The following ERBB4 variants were observed in gnomAD, a reference collection of about 807,000 sequenced individuals.
ERBB4 encodes receptor tyrosine-protein kinase erbB-4.
In ERBB4, 42 loss-of-function variants were observed where a neutral mutation model predicts 158.0. That is an observed-to-expected ratio of 0.27 (90% CI 0.21 to 0.34). The LOEUF (loss-of-function observed/expected upper bound fraction) is 0.34, where lower values mean the gene tolerates loss of function less well. Among genes scored for constraint, ERBB4 ranks in the 10% least tolerant of loss-of-function variants. ERBB4 has a pLI of 1.00. For missense variants in ERBB4, 1,333 were observed against 1,624.1 expected, an observed-to-expected ratio of 0.82 and a Z score of 3.08; for synonymous variants, 583 against 558.7, an observed-to-expected ratio of 1.04 and a Z score of -0.61.
At chr2:212,153,632 GT>G (rs1559609264) in intron 1 of ERBB4, among the ~76,000 whole-genome samples, 3 of 152,038 alleles carry the variant, frequency 2.0e-5, no homozygotes, top group African/African-American at 7.2e-5. Flanking sequence ...AAGTAATTGC[GT>G]TTTTTGTCAT....
At chr2:211,973,046 C>G (rs2125207361) in intron 2 of ERBB4, among the ~76,000 whole-genome samples, 1 of 148,320 alleles carries the variant, frequency 6.7e-6, no homozygotes, top group South Asian at 2.4e-4. Context: ...TGTCCAGTAT[C>G]TATAAGGAAC....
chr2:211,431,474 A>G (rs1328695263), intron 20 of ERBB4, among the ~76,000 whole-genome samples: 1 of 152,130 alleles, frequency 6.6e-6, no homozygotes, highest in African/African-American at 2.4e-5. Context: ...TTCCTTCTCA[A>G]TAACTTCTGC....
chr2:211,658,367 C>T (rs889255970), intron 15 of ERBB4, among the ~76,000 whole-genome samples: 1 of 150,400 alleles, frequency 6.6e-6, no homozygotes, highest in Non-Finnish European at 1.5e-5. Context: ...TTCTTAAAGG[C>T]CTTAAGTTTA....
intron 3 of ERBB4, among the ~76,000 whole-genome samples, chr2:211,916,703 T>C (rs1559095035): frequency 6.6e-6 from 1 of 152,158 alleles, no homozygotes; most frequent in African/African-American, 2.4e-5. Context: ...CTCTCACTTA[T>C]TGCTTGTATG....
intron 1 of ERBB4, among the ~76,000 whole-genome samples, chr2:212,377,655 G>A (rs963521292): frequency 2.6e-5 from 4 of 151,974 alleles, no homozygotes; most frequent in African/African-American, 9.6e-5. Flanking sequence ...CAATGGATGG[G>A]TGGTGAGTAA....
intron 23 of ERBB4, among the ~76,000 whole-genome samples, chr2:211,423,215 T>C (rs1036873700): frequency 6.6e-6 from 1 of 151,904 alleles, no homozygotes; most frequent in South Asian, 2.1e-4. Context: ...ATTGAGTAAA[T>C]AGAACTATGC....
intron 3 of ERBB4, among the ~76,000 whole-genome samples, chr2:211,925,767 T>C (rs1236492506): frequency 6.6e-6 from 1 of 152,212 alleles, no homozygotes; most frequent in Non-Finnish European, 1.5e-5. Flanking sequence ...TTTAACAATA[T>C]GTACAATATT....
chr2:212,130,060 C>T (rs2080064937), intron 1 of ERBB4, among the ~76,000 whole-genome samples: 1 of 152,046 alleles, frequency 6.6e-6, no homozygotes, highest in African/African-American at 2.4e-5. Context: ...GCAATGTATA[C>T]AAGACAACGC....
chr2:212,353,706 G>A (rs1013781838), intron 1 of ERBB4, among the ~76,000 whole-genome samples: 4 of 152,102 alleles, frequency 2.6e-5, no homozygotes, highest in Non-Finnish European at 4.4e-5. Context: ...GTGTAAAAGT[G>A]TGTGTATGGG....
intron 3 of ERBB4, among the ~76,000 whole-genome samples, chr2:211,802,747 G>A (rs994335244): frequency 2.0e-5 from 3 of 152,142 alleles, no homozygotes; most frequent in South Asian, 2.1e-4. Flanking sequence ...CTATTTCCCC[G>A]CTTCAAAGCC....
At chr2:212,333,216 G>T (rs1470984327) in intron 1 of ERBB4, among the ~76,000 whole-genome samples, 1 of 151,914 alleles carries the variant, frequency 6.6e-6, no homozygotes, top group Non-Finnish European at 1.5e-5. Context: ...AAAACTTCCT[G>T]GTTAAGAACC....
At position 212,189,865 on chromosome 2, in the gene ERBB4, A is replaced by G. The variant is rs550248178; in HGVS notation, c.83-64962T>C. Among the ~76,000 whole-genome samples, 10 of 152,316 alleles carry G rather than the reference A, an allele frequency of 6.6e-5. No individual in the cohort carries two copies. The East Asian group carries it at 1.9e-3, about 29-fold the overall frequency. ...AAATTCTGACTTCAAGGAGTTAAAA[A>G]AATTATGCTCACAAGGACCAAAATA... On this transcript the variant is annotated intron_variant, in intron 1 of 27. Transcript: ENST00000342788.
Position 212,210,251 on chromosome 2 carries a change from T to A in ERBB4, c.83-85348A>T, listed in dbSNP as rs146614468. 4.7e-3 allele frequency among the ~76,000 whole-genome samples: 705 copies of A among 150,204 alleles called. 6 individuals are homozygous for A. Among genetic ancestry groups the A allele is most frequent in the Middle Eastern group, 0.018 (5 of 284 alleles). ...AAAAAAGAATTTAGAATTTACCTTG[T>A]AAGTACAATGAACAATTTCCCATAT... On this transcript the variant is annotated intron_variant, in intron 1 of 27. Transcript: ENST00000342788.
Position 212,464,530 on chromosome 2 carries a change from C to A in ERBB4, c.82+73919G>T, listed in dbSNP as rs1401886944. On this transcript the variant is annotated intron_variant, in intron 1 of 27. Transcript: ENST00000342788. ...AGTGCCAGTTTAGCTGCCTGAGAAC[C>A]AATAAAGAATTTAATTTCCTATTCT... is the stretch of plus-strand genomic sequence containing the variant. Among the ~76,000 whole-genome samples, 3 of 152,048 alleles carry A rather than the reference C, an allele frequency of 2.0e-5. No homozygotes were observed. The East Asian group carries it at 5.8e-4, about 29-fold the overall frequency.
At chr2:211,575,092 A>C (rs986410081) in intron 19 of ERBB4, among the ~76,000 whole-genome samples, 4 of 152,192 alleles carry the variant, frequency 2.6e-5, no homozygotes, top group African/African-American at 9.6e-5. Flanking sequence ...AGCCAAGCTG[A>C]GATTTGAATC....
intron 25 of ERBB4, among the ~76,000 whole-genome samples, chr2:211,418,065 T>C (rs1343734162): frequency 6.8e-6 from 1 of 146,722 alleles, no homozygotes; most frequent in Non-Finnish European, 1.5e-5. Flanking sequence ...CAGTGGAGCC[T>C]ATATTTTCAA....
chr2:212,269,986 T>C (rs375055872), intron 1 of ERBB4, among the ~76,000 whole-genome samples: 36 of 151,814 alleles, frequency 2.4e-4, no homozygotes, highest in African/African-American at 7.7e-4. Flanking sequence ...TTAGTGACTA[T>C]AGCACAGAGA....
At position 212,324,907 on chromosome 2, in the gene ERBB4, C is replaced by G. The variant is rs1319319616; in HGVS notation, c.83-200004G>C. Among the ~76,000 whole-genome samples, 4 of 150,330 alleles carry G rather than the reference C, an allele frequency of 2.7e-5. 1 individual carries two copies. Among genetic ancestry groups the G allele is most frequent in the Non-Finnish European group, 6.0e-5 (4 of 67,074 alleles). ...TTTTTCCTCCTAAGTTCTGGTATAACATTCATAAAGAAAAGTACACAAGTC... is the reference window on the plus strand; with the variant it reads ...TTTTTCCTCCTAAGTTCTGGTATAAGATTCATAAAGAAAAGTACACAAGTC... On this transcript the variant is annotated intron_variant, in intron 1 of 27. Transcript: ENST00000342788.
At chr2:212,094,728 A>C (rs1199268538) in intron 2 of ERBB4, among the ~76,000 whole-genome samples, 1 of 152,162 alleles carries the variant, frequency 6.6e-6, no homozygotes, top group Non-Finnish European at 1.5e-5. Flanking sequence ...CTTCCTGTGC[A>C]GCCTGCAGAA....
Sources: allele counts gnomAD v4.1 joint callset (sites outside exome capture counted in the v4.1 genomes callset), GRCh38; gene constraint gnomAD v4.1.1; transcripts MANE v1.5; gene names NCBI Gene and HGNC (gene_info 2026-07-23, HGNC 2026-07-21).